COPB2: variants seen among roughly 807,000 people sequenced by gnomAD.
COPB2 encodes the protein coatomer subunit beta'.
A neutral mutation model predicts 120.8 loss-of-function variants in COPB2; 16 were observed. That is an observed-to-expected ratio of 0.13 (90% confidence interval 0.09 to 0.20). COPB2 has a LOEUF of 0.20. Among genes scored for constraint, COPB2 ranks in the 10% least tolerant of loss-of-function variants. COPB2 has a pLI of 1.00. For missense variants in COPB2, 794 were observed against 1,076.5 expected (o/e 0.74, Z 3.67); for synonymous variants, 332 against 366.3 (o/e 0.91, Z 1.07).
chr3:139,367,280 A>C (rs1941535506), intron 13 of COPB2, 135 bp from the exon 14 acceptor site: 2 of 1,147,206 alleles, frequency 1.7e-6, no homozygotes, highest in African/African-American at 1.6e-5. Flanking sequence ...AGAAAAAAAA[A>C]ATTTTCCTTG....
chr3:139,359,459 C>T (rs1353108990), intron 17 of COPB2, 97 bp from the exon 18 acceptor site: 1 of 1,057,764 alleles, frequency 9.5e-7, no homozygotes, highest in African/African-American at 1.6e-5. Context: ...AGCCAAAAAT[C>T]TCCCCAATCT....
intron 15 of COPB2, among the ~76,000 whole-genome samples, chr3:139,363,383 T>C (rs576775306): frequency 6.6e-6 from 1 of 152,150 alleles, no homozygotes; most frequent in African/African-American, 2.4e-5. Flanking sequence ...ACTGTACATG[T>C]GATGGATCTA....
rs772024352 is a variant in COPB2, at chr3:139,368,198, C to T, written c.1492G>A (p.Ala498Thr). Reference protein sequence around the residue: ...LKYLSEKVLAAQETHEGVTED... With the variant: ...LKYLSEKVLATQETHEGVTED... The stretch of plus-strand genomic sequence containing the variant: ...GTAACTCCCTCATGTGTTTCCTGTG[C>T]AGCCAAGACTTTTTCTGACAGATAC... Residue 498 changes from alanine to threonine, a missense_variant, in exon 13 of 22, where the codon GCA becomes ACA. This residue lies in a region of COPB2 where 610 missense variants were observed against 866.7 expected (regional missense o/e 0.70). Transcript: ENST00000333188. The T allele has an allele frequency of 1.2e-5, 20 of 1,613,756 alleles. No individual in the cohort carries two copies. Among genetic ancestry groups the T allele is most frequent in the Non-Finnish European group, 1.5e-5 (18 of 1,179,848 alleles).
Position 139,373,763 on chromosome 3 carries a change from G to A in COPB2, c.797C>T (p.Thr266Ile). Residue 266 changes from threonine (T) to isoleucine (I), a missense_variant, in exon 8 of 22, where the codon ACA (threonine) becomes ATA (isoleucine). Thr to Ile is a moderately conservative substitution (Grantham distance 89). Transcript: ENST00000333188. ...TACCCTCTCCATTCCATAATTCAGT[G>A]TGCTCTCAAGCCGGTAGGTGCTTGA... Reference protein sequence around the residue: ...WHSSTYRLESTLNYGMERVWC... With the variant: ...WHSSTYRLESILNYGMERVWC... The A allele has an allele frequency of 6.2e-7, 1 of 1,614,026 alleles. No homozygotes were observed. Among genetic ancestry groups the A allele is most frequent in the Non-Finnish European group, 8.5e-7 (1 of 1,179,966 alleles).
intron 2 of COPB2, 90 bp downstream of exon 2, chr3:139,383,208 C>A (rs564923124): frequency 2.1e-6 from 3 of 1,456,680 alleles, no homozygotes; most frequent in Admixed American, 3.6e-5. Context: ...CATATAGATT[C>A]TGGATTCTGT....
chr3:139,361,122 G>A lies in COPB2; in HGVS notation c.2169C>T (p.Gly723=). The A allele has an allele frequency of 3.1e-6, 5 of 1,614,130 alleles. No individual in the cohort carries two copies. Among genetic ancestry groups the A allele is most frequent in the Non-Finnish European group, 4.2e-6 (5 of 1,180,018 alleles). The change falls in exon 17 of 22, where the codon GGC becomes GGT. Residue 723 remains glycine (G), a synonymous_variant. Coordinates refer to ENST00000333188, the MANE Select transcript of COPB2 (RefSeq NM_004766.3). ...NKLAEGAERD[G]KNNVAFMSYF... ...AGCTCATGAATGCCACATTATTTTT[G>A]CCATCTCTCTCCGCACCCTCTGCTA...
chr3:139,359,429 A>C (rs1014558719), intron 17 of COPB2, 67 bp from the exon 18 acceptor site: 13 of 1,474,316 alleles, frequency 8.8e-6, no homozygotes, highest in Non-Finnish European at 1.2e-5. Flanking sequence ...ACTTAACACA[A>C]AGTAAATTTA....
In COPB2 at chr3:139,383,344, G is replaced by C; in HGVS notation, c.95C>G (p.Ala32Gly). Residue 32 changes from alanine (A) to glycine (G), a missense_variant, in exon 2 of 22, where the codon GCA (alanine) becomes GGA (glycine). Ala to Gly is a moderately conservative substitution (Grantham distance 60, BLOSUM62 0). Around this residue, in one of 3 missense-constraint regions of COPB2, gnomAD observed 610 missense variants for 866.7 expected, o/e 0.70. Transcript: ENST00000333188. ...ACACACACTGCCATTGTAAAGACTT[G>C]CCAACATCCATGGCTCTGTAGGATG... is the stretch of plus-strand genomic sequence containing the variant. ...DLHPTEPWML[A>G]SLYNGSVCVW... The C allele has an allele frequency of 6.2e-7, 1 of 1,613,770 alleles. No individual in the cohort carries two copies. Among genetic ancestry groups the C allele is most frequent in the Non-Finnish European group, 8.5e-7 (1 of 1,179,874 alleles).
intron 12 of COPB2, 148 bp from the exon 13 acceptor site, chr3:139,368,436 G>T (rs1016820475): frequency 2.4e-6 from 2 of 834,962 alleles, no homozygotes; most frequent in Non-Finnish European, 3.6e-6. Flanking sequence ...TATTTGGGAG[G>T]GTGGCCAGCT....
At chr3:139,387,605 A>T (rs903341446) in intron 1 of COPB2, among the ~76,000 whole-genome samples, 1 of 152,144 alleles carries the variant, frequency 6.6e-6, no homozygotes, top group Non-Finnish European at 1.5e-5. Flanking sequence ...TCTAGAGTAG[A>T]TCCTCCTTAA....
Position 139,369,684 on chromosome 3 carries a change from G to A in COPB2, c.1206-140C>T. 6 of 618,554 alleles carry A rather than the reference G, an allele frequency of 9.7e-6. No individual in the cohort carries two copies. The South Asian group carries it at 1.4e-4, about 14-fold the overall frequency. The allele number at this position is 618,554 out of a possible 1,614,324, so 38.3% of individuals were successfully genotyped here. A position where few individuals can be genotyped will look rare whatever the true frequency, so the allele number is the denominator to read the frequency against. ...ATATTTGAAGATTATCTGATGTACT[G>A]TTTTCCTAAGAGATCAGAGAACTCC... is the stretch of plus-strand genomic sequence containing the variant. On this transcript the variant is annotated intron_variant, in intron 10 of 21. Coordinates refer to ENST00000333188, the MANE Select transcript of COPB2 (RefSeq NM_004766.3).
intron 1 of COPB2, among the ~76,000 whole-genome samples, chr3:139,386,581 T>C (rs1488420400): frequency 6.6e-6 from 1 of 152,158 alleles, no homozygotes; most frequent in Non-Finnish European, 1.5e-5. Flanking sequence ...ATCAAGGCTT[T>C]TTACTTCATT....
At chr3:139,376,806 G>T (rs1208366315) in intron 5 of COPB2, among the ~76,000 whole-genome samples, 1 of 152,224 alleles carries the variant, frequency 6.6e-6, no homozygotes, top group African/African-American at 2.4e-5. Flanking sequence ...TTGGAGCGCA[G>T]TGGCGCAATC....
At position 139,383,079 on chromosome 3, in the gene COPB2, G is replaced by A. The variant is rs190997087; in HGVS notation, c.141+219C>T. Reference sequence around the variant, plus strand: ...AGCTAATACTACCTAAGTCAGAGTTGTTATATTTAAATATTGTATATAACA... The same window carrying A: ...AGCTAATACTACCTAAGTCAGAGTTATTATATTTAAATATTGTATATAACA... On this transcript the variant is annotated intron_variant, in intron 2 of 21. Coordinates refer to ENST00000333188, the MANE Select transcript of COPB2 (RefSeq NM_004766.3). 2.3e-3 allele frequency: 1,297 copies of A among 556,382 alleles called. 3 individuals are homozygous for A. Among genetic ancestry groups the A allele is most frequent in the Non-Finnish European group, 2.9e-3 (931 of 317,436 alleles). The allele number at this position is 556,382 out of a possible 1,614,324, so 34.5% of individuals were successfully genotyped here.
intron 6 of COPB2, 128 bp downstream of exon 6, chr3:139,375,340 G>T: frequency 1.2e-6 from 1 of 820,650 alleles, no homozygotes; most frequent in Non-Finnish European, 1.7e-6. Flanking sequence ...ACACAGTTTA[G>T]GTGCAAATAC....
At chr3:139,387,763 T>A (rs536781807) in intron 1 of COPB2, among the ~76,000 whole-genome samples, 1 of 152,202 alleles carries the variant, frequency 6.6e-6, no homozygotes, top group Admixed American at 6.5e-5. Flanking sequence ...AGATGTGCAA[T>A]AGTGGGCAAA....
chr3:139,389,240 C>T (rs915804603), intron 1 of COPB2, among the ~76,000 whole-genome samples: 2 of 152,264 alleles, frequency 1.3e-5, no homozygotes, highest in African/African-American at 4.8e-5. Context: ...GAGTTCAACA[C>T]ATTCGGCTTC....
rs1375048576 is a variant in COPB2 at position 139,366,701 on chromosome 3, C to G, written c.1751G>C (p.Ser584Thr). 18 of 1,614,084 alleles carry G rather than the reference C, an allele frequency of 1.1e-5. No homozygotes were observed. The highest frequency in any genetic ancestry group is 1.4e-5 in the Non-Finnish European group (16 of 1,179,978). Reference protein sequence around the residue: ...YLGDKELNIISYSLLVSVLEY... With the variant: ...YLGDKELNIITYSLLVSVLEY... ...CAGGACTGAAACCAGCAGGGAATAG[C>G]TAATGATGTTCAATTCTTTATCCCC... The change falls in exon 15 of 22, where the codon AGC becomes ACC. Residue 584 changes from serine (S) to threonine (T), a missense_variant. Ser to Thr is a moderately conservative substitution (Grantham distance 58). Transcript: ENST00000333188.
chr3:139,379,752 T>G (rs758160310), intron 2 of COPB2: 93 of 325,196 alleles, frequency 2.9e-4, no homozygotes, highest in Admixed American at 1.9e-3. Flanking sequence ...AGCCTCACCT[T>G]TGGCTACTCC....
Sources: allele counts gnomAD v4.1 joint callset (sites outside exome capture counted in the v4.1 genomes callset), GRCh38; gene constraint gnomAD v4.1.1; regional missense constraint gnomAD v4.1.1; transcripts MANE v1.5; gene names NCBI Gene and HGNC (gene_info 2026-07-23, HGNC 2026-07-21).